CALN1: variants seen among roughly 807,000 people sequenced by gnomAD.
CALN1 encodes the protein calcium-binding protein 8.
In CALN1, 17 loss-of-function variants were observed where a neutral mutation model predicts 30.6. That is an observed-to-expected ratio of 0.56 (90% confidence interval 0.38 to 0.83). The LOEUF (loss-of-function observed/expected upper bound fraction) is 0.83, where lower values mean the gene tolerates loss of function less well. Among genes scored for constraint, CALN1 ranks in the 40% least tolerant of loss-of-function variants. CALN1 has a pLI of 0.00. For synonymous variants in CALN1, 156 were observed against 131.4 expected, an observed-to-expected ratio of 1.19 and a Z score of -1.28; for missense variants, 291 against 354.9, an observed-to-expected ratio of 0.82 and a Z score of 1.45.
chr7:72,424,732 G>C (rs1041223701), intron 1 of CALN1, among the ~76,000 whole-genome samples: 1 of 152,006 alleles, frequency 6.6e-6, no homozygotes, highest in Non-Finnish European at 1.5e-5. Flanking sequence ...CAGTAGCTGG[G>C]ACTACAGATG....
intron 5 of CALN1, among the ~76,000 whole-genome samples, chr7:71,994,550 G>T (rs1005439987): frequency 1.4e-5 from 2 of 147,162 alleles, no homozygotes; most frequent in Non-Finnish European, 3.0e-5. Flanking sequence ...TAGTAAAATT[G>T]AAGTGGTGTT....
intron 3 of CALN1, among the ~76,000 whole-genome samples, chr7:72,219,608 C>A (rs1793109781): frequency 6.6e-6 from 1 of 151,968 alleles, no homozygotes; most frequent in Non-Finnish European, 1.5e-5. Context: ...GATACAATTT[C>A]CCATTAAAAT....
At chr7:72,378,227 C>T (rs1052367975) in intron 2 of CALN1, among the ~76,000 whole-genome samples, 1 of 152,122 alleles carries the variant, frequency 6.6e-6, no homozygotes, top group Non-Finnish European at 1.5e-5. Flanking sequence ...CAAATACTTA[C>T]ATTTTTTTGT....
At chr7:71,850,880 G>T (rs1432994477) in intron 5 of CALN1, among the ~76,000 whole-genome samples, 1 of 149,000 alleles carries the variant, frequency 6.7e-6, no homozygotes, top group Admixed American at 6.7e-5. Flanking sequence ...TATTTGAAAT[G>T]AATGAAAAAA....
At chr7:71,917,703 A>T in intron 5 of CALN1, among the ~76,000 whole-genome samples, 1 of 146,740 alleles carries the variant, frequency 6.8e-6, no homozygotes, top group South Asian at 2.1e-4. Flanking sequence ...AGATCATGAG[A>T]CTCACTCATT....
At chr7:72,167,811 A>G (rs1321727409) in intron 3 of CALN1, among the ~76,000 whole-genome samples, 1 of 152,216 alleles carries the variant, frequency 6.6e-6, no homozygotes, top group Non-Finnish European at 1.5e-5. Context: ...GTTTGGCTGA[A>G]GTAATTTGGC....
chr7:72,425,812 C>T (rs1364196789), intron 1 of CALN1, among the ~76,000 whole-genome samples: 1 of 152,196 alleles, frequency 6.6e-6, no homozygotes, highest in Non-Finnish European at 1.5e-5. Flanking sequence ...GATTTGAATC[C>T]AGGCCTCTCT....
intron 3 of CALN1, among the ~76,000 whole-genome samples, chr7:72,224,463 AG>A (rs1793527958): frequency 6.6e-6 from 1 of 152,200 alleles, no homozygotes; most frequent in African/African-American, 2.4e-5. Context: ...CGTGAACTAA[AG>A]GAAGACCCAG....
At chr7:72,361,846 A>G (rs924243775) in intron 2 of CALN1, among the ~76,000 whole-genome samples, 1 of 152,250 alleles carries the variant, frequency 6.6e-6, no homozygotes, top group Non-Finnish European at 1.5e-5. Flanking sequence ...GAAAAACATC[A>G]GCTTAAGCAC....
At chr7:71,965,323 G>A (rs1774763880) in intron 5 of CALN1, among the ~76,000 whole-genome samples, 1 of 152,136 alleles carries the variant, frequency 6.6e-6, no homozygotes, top group African/African-American at 2.4e-5. Flanking sequence ...GAGCCACCAT[G>A]CCCAGCCTCA....
At chr7:72,401,478 G>C (rs1265792461) in intron 2 of CALN1, among the ~76,000 whole-genome samples, 1 of 152,212 alleles carries the variant, frequency 6.6e-6, no homozygotes, top group South Asian at 2.1e-4. Context: ...AACATGTTCA[G>C]TGCGTGTGTG....
At chr7:72,308,373 GAGA>G (rs1196875982) in intron 2 of CALN1, among the ~76,000 whole-genome samples, 29 of 18,480 alleles carry the variant, frequency 1.6e-3, no homozygotes, top group Middle Eastern at 0.029. Context: ...GTGGGGGGGG[GAGA>G]GAGAGAGAGA....
chr7:72,287,725 C>T (rs923794468), intron 2 of CALN1, among the ~76,000 whole-genome samples: 2 of 152,246 alleles, frequency 1.3e-5, no homozygotes, highest in African/African-American at 2.4e-5. Context: ...GGATTACAGG[C>T]GTGAGCCACT....
chr7:72,080,196 T>G (rs955757334), intron 4 of CALN1, among the ~76,000 whole-genome samples: 2 of 152,180 alleles, frequency 1.3e-5, no homozygotes, highest in Non-Finnish European at 2.9e-5. Context: ...AGAACGAACC[T>G]GTTACTTCAT....
rs1010635078 is a variant in CALN1, at chr7:71,978,262, CTTTT to C, written c.501+45391_501+45394del. ...AAAAACTCAGGGACTCTAGAGAATT[CTTTT>C]TTTTTTTTTTTTTTTTTTTTTTTGA... On this transcript the variant is annotated intron_variant, in intron 5 of 6. Transcript: ENST00000395275. Among the ~76,000 whole-genome samples the C allele has an allele frequency of 3.0e-3, 219 of 72,936 alleles. 2 individuals carry two copies. Among genetic ancestry groups the C allele is most frequent in the African/African-American group, 0.011 (197 of 17,644 alleles). 47.8% of individuals were successfully genotyped at this position (72,936 alleles called of 152,430 possible).
intron 2 of CALN1, among the ~76,000 whole-genome samples, chr7:72,361,017 G>A (rs981816561): frequency 2.0e-5 from 3 of 151,942 alleles, no homozygotes; most frequent in African/African-American, 4.8e-5. Context: ...ATGAGCCACC[G>A]CACACAGCCT....
At chr7:71,988,025 A>T (rs1798764099) in intron 5 of CALN1, among the ~76,000 whole-genome samples, 1 of 152,202 alleles carries the variant, frequency 6.6e-6, no homozygotes, top group Admixed American at 6.5e-5. Context: ...CCCAGGTGTG[A>T]CAACAGGTGT....
chr7:72,224,938 C>CA (rs949469935), intron 3 of CALN1, among the ~76,000 whole-genome samples: 12 of 148,914 alleles, frequency 8.1e-5, no homozygotes, highest in South Asian at 2.1e-4. Context: ...TACACACACA[C>CA]AAAAAAAAAA....
intron 6 of CALN1, among the ~76,000 whole-genome samples, chr7:71,809,578 A>T (rs559056688): frequency 7.2e-4 from 110 of 151,972 alleles, no homozygotes; most frequent in Admixed American, 1.3e-3. Context: ...GTAATTAAAA[A>T]TTTTTTTTCT....
Sources: gnomAD v4.1 joint callset for allele counts (sites outside exome capture counted in the v4.1 genomes callset) on GRCh38, gnomAD v4.1.1 for gene constraint, MANE v1.5 for transcripts, NCBI Gene and HGNC (gene_info 2026-07-23, HGNC 2026-07-21) for gene names.